MAP3K14: variants seen among roughly 807,000 people sequenced by gnomAD.
The protein encoded by MAP3K14 is mitogen-activated protein kinase kinase kinase 14, also known as NF-kappa-beta-inducing kinase.
Under a neutral mutation model 99.2 loss-of-function variants are expected in MAP3K14, and 16 were observed. The observed-to-expected ratio is 0.16, with a 90% CI of 0.11 to 0.24. The LOEUF is 0.24. Among genes scored for constraint, MAP3K14 ranks in the 10% least tolerant of loss-of-function variants. MAP3K14 has a pLI of 1.00. For missense variants in MAP3K14, 784 were observed against 1,208.7 expected, an observed-to-expected ratio of 0.65 and a Z score of 5.21; for synonymous variants, 462 against 492.4, an observed-to-expected ratio of 0.94 and a Z score of 0.82.
intron 1 of MAP3K14, among the ~76,000 whole-genome samples, chr17:45,293,642 C>T (rs2044328434): frequency 6.6e-6 from 1 of 152,202 alleles, no homozygotes; most frequent in African/African-American, 2.4e-5. Context: ...TGACCCTCAC[C>T]TCTCAGGGGC....
Position 45,267,286 on chromosome 17 carries a change from C to A in MAP3K14, c.2327-88G>T. 7.2e-7 allele frequency: 1 copy of A among 1,391,650 alleles called. No individual in the cohort carries two copies. The highest frequency in any genetic ancestry group is 2.0e-5 in the Admixed American group (1 of 50,606). 86.2% of individuals were successfully genotyped at this position (1,391,650 alleles called of 1,614,324 possible). A position where few individuals can be genotyped will look rare whatever the true frequency, so the allele number is the denominator to read the frequency against. ...GTTCTTCCTGCACAGTCGGTAGAAG[C>A]TGAGCTGCTGGGGAAGGGGCTGGAA... On this transcript the variant is annotated intron_variant, in intron 12 of 15. Transcript: ENST00000344686. This position sits in a 1 kb window ranked among gnomAD's most constrained non-coding sequence, Gnocchi z 5.1.
intron 1 of MAP3K14, among the ~76,000 whole-genome samples, chr17:45,306,036 C>T (rs2044427698): frequency 6.6e-6 from 1 of 152,210 alleles, no homozygotes; most frequent in African/African-American, 2.4e-5. Context: ...TTTGTATACA[C>T]ATAACTACAT....
chr17:45,273,396 C>T lies in MAP3K14; in HGVS notation c.1657+107G>A, dbSNP rs9913545. The T allele has an allele frequency of 1.5e-3, 1,196 of 819,168 alleles. 14 individuals are homozygous for T. In the African/African-American group the frequency reaches 0.018, roughly 12 times the overall value. 50.7% of individuals were successfully genotyped at this position (819,168 alleles called of 1,614,324 possible). On this transcript the variant is annotated intron_variant, in intron 9 of 15. Transcript: ENST00000344686. Reference sequence around the variant, plus strand: ...CCAGGCTGGTTGCGGGGCTTAAACACACAGGTGGACCTAAGTGTTCACACC... The same window carrying T: ...CCAGGCTGGTTGCGGGGCTTAAACATACAGGTGGACCTAAGTGTTCACACC...
At chr17:45,302,988 GGACT>G (rs1568000690) in intron 1 of MAP3K14, among the ~76,000 whole-genome samples, 1 of 152,210 alleles carries the variant, frequency 6.6e-6, no homozygotes, top group Non-Finnish European at 1.5e-5. Context: ...CAGAAGATGC[GGACT>G]GTTTCCTGCT....
In MAP3K14 at chr17:45,267,947, A is replaced by C; in HGVS notation, c.1973-188T>G. On this transcript the variant is annotated intron_variant, in intron 11 of 15. Transcript: ENST00000344686. The surrounding 1 kb of genome is among the most constrained non-coding windows in gnomAD (Gnocchi z 5.1). ...TCTCCACAGGAGACTTCCTCAATAA[A>C]ATGGTCCCAATATGACAGGGATAGG... 1.8e-6 allele frequency: 1 copy of C among 545,608 alleles called. No homozygotes were observed. Among genetic ancestry groups the C allele is most frequent in the Non-Finnish European group, 3.2e-6 (1 of 314,474 alleles). The allele number at this position is 545,608 out of a possible 1,614,324, so 33.8% of individuals were successfully genotyped here. A position where few individuals can be genotyped will look rare whatever the true frequency, so the allele number is the denominator to read the frequency against.
At chr17:45,289,090 G>T in intron 3 of MAP3K14, 146 bp downstream of exon 3, 1 of 633,606 alleles carries the variant, frequency 1.6e-6, no homozygotes, top group Non-Finnish European at 2.8e-6. Context: ...GCTCAGCCAG[G>T]AAAGCCTGGG....
intron 10 of MAP3K14, 116 bp from the exon 11 acceptor site, chr17:45,270,679 C>A: frequency 7.4e-7 from 1 of 1,355,820 alleles, no homozygotes; most frequent in Non-Finnish European, 9.7e-7. Context: ...TGGGGTCTAC[C>A]ACAAGGAATG....
At chr17:45,298,315 A>AT (rs2044361179) in intron 1 of MAP3K14, among the ~76,000 whole-genome samples, 2 of 152,222 alleles carry the variant, frequency 1.3e-5, no homozygotes, top group African/African-American at 4.8e-5. Flanking sequence ...AAAGGACAAT[A>AT]AATATAAAAT....
intron 1 of MAP3K14, among the ~76,000 whole-genome samples, chr17:45,309,752 C>T (rs2044458165): frequency 6.6e-6 from 1 of 152,180 alleles, no homozygotes; most frequent in African/African-American, 2.4e-5. Context: ...CTGCCATCCC[C>T]TTTCCTAAAT....
Position 45,278,006 on chromosome 17 carries a change from C to T in MAP3K14, c.1291-3413G>A, listed in dbSNP as rs774295157. The stretch of plus-strand genomic sequence containing the variant: ...ACCCTTTTTCTTTCAACTTATGTCA[C>T]GCTTTTCAAATGGCTACTAAGTTGT... On this transcript the variant is annotated intron_variant, in intron 6 of 15. Transcript: ENST00000344686. Among the ~76,000 whole-genome samples the T allele has an allele frequency of 2.2e-4, 33 of 152,284 alleles. No homozygotes were observed. The Middle Eastern group carries it at 0.01, about 47-fold the overall frequency.
chr17:45,293,467 C>T (rs113667528), intron 1 of MAP3K14, among the ~76,000 whole-genome samples: 17 of 152,320 alleles, frequency 1.1e-4, no homozygotes, highest in Admixed American at 6.5e-4. Flanking sequence ...CCCCTCTTCC[C>T]AGAGAAGTGG....
intron 8 of MAP3K14, 112 bp from the exon 9 acceptor site, chr17:45,273,719 C>A: frequency 2.6e-6 from 2 of 781,590 alleles, no homozygotes; most frequent in Non-Finnish European, 2.2e-6. Flanking sequence ...GCTGACCCTA[C>A]GTGGCAGCTG....
At chr17:45,284,069 A>AC (rs1369294775) in intron 6 of MAP3K14, among the ~76,000 whole-genome samples, 2 of 152,190 alleles carry the variant, frequency 1.3e-5, no homozygotes, top group Admixed American at 6.5e-5. Context: ...CCAGCATGCC[A>AC]CACTGTCCTC....
intron 1 of MAP3K14, among the ~76,000 whole-genome samples, chr17:45,292,421 G>C (rs1396614390): frequency 6.6e-6 from 1 of 152,116 alleles, no homozygotes; most frequent in East Asian, 1.9e-4. Context: ...CAAAAAATTA[G>C]CTGGGGTAGC....
intron 1 of MAP3K14, 139 bp downstream of exon 1, chr17:45,316,821 T>G (rs1018476763): frequency 5.9e-5 from 9 of 151,878 alleles, no homozygotes; most frequent in African/African-American, 2.2e-4. Flanking sequence ...TACGTCGGAC[T>G]GCGCTGGCCT....
chr17:45,290,428 C>G, intron 2 of MAP3K14, 62 bp downstream of exon 2: 1 of 1,596,988 alleles, frequency 6.3e-7, no homozygotes, highest in Non-Finnish European at 8.5e-7. Flanking sequence ...ACCCCTGGGC[C>G]CAGCTACCCA....
At chr17:45,289,104 G>C in intron 3 of MAP3K14, 132 bp downstream of exon 3, 1 of 700,288 alleles carries the variant, frequency 1.4e-6, no homozygotes, top group South Asian at 1.9e-5. Context: ...GCCTGGGTGA[G>C]TTCCAGGAGC....
rs2044109645 is a variant in MAP3K14, at chr17:45,267,994, C to G, written c.1973-235G>C. 1 of 464,330 alleles carries G rather than the reference C, an allele frequency of 2.2e-6. No individual in the cohort carries two copies. The highest frequency in any genetic ancestry group is 4.3e-5 in the Admixed American group (1 of 23,156). The allele number at this position is 464,330 out of a possible 1,614,324, so 28.8% of individuals were successfully genotyped here. Reference sequence around the variant, plus strand: ...TAGGACTGGATTTCTGTCTTTGATTCTGTTTTTCTTCTAGGTATCAGTAGC... The same window carrying G: ...TAGGACTGGATTTCTGTCTTTGATTGTGTTTTTCTTCTAGGTATCAGTAGC... On this transcript the variant is annotated intron_variant, in intron 11 of 15. Transcript: ENST00000344686. The surrounding 1 kb of genome is among the most constrained non-coding windows in gnomAD (Gnocchi z 5.1).
chr17:45,281,162 T>C (rs142131152), intron 6 of MAP3K14, among the ~76,000 whole-genome samples: 12 of 152,098 alleles, frequency 7.9e-5, no homozygotes, highest in Non-Finnish European at 1.3e-4. Flanking sequence ...AGTGGTACGA[T>C]CTTGGCTCAC....
Sources: allele counts gnomAD v4.1 joint callset (sites outside exome capture counted in the v4.1 genomes callset), GRCh38; gene constraint gnomAD v4.1.1; non-coding constraint Gnocchi (gnomAD v3.1); transcripts MANE v1.5; gene names NCBI Gene and HGNC (gene_info 2026-07-23, HGNC 2026-07-21).